The following OLA1 variants were observed in gnomAD, a reference collection of about 807,000 sequenced individuals.
OLA1 encodes obg-like ATPase 1.
In OLA1, 14 loss-of-function variants were observed where a neutral mutation model predicts 48.4. The observed-to-expected ratio is 0.29, with a 90% CI of 0.19 to 0.45. The LOEUF is 0.45. OLA1 is among the 20% of genes least tolerant of loss of function. OLA1 has a pLI of 1.00. For synonymous variants in OLA1, 127 were observed against 150.4 expected, an observed-to-expected ratio of 0.84 and a Z score of 1.14; for missense variants, 325 against 467.1, an observed-to-expected ratio of 0.70 and a Z score of 2.80.
rs1338891448 is a variant in OLA1, at chr2:174,163,697, A to AAAATAAATAAAT, written c.374-21709_374-21698dup. ...AAGAACGAGACCTTGTCTCAAAAAT[A>AAAATAAATAAAT]AAATAAATAAATAAATATATATATA... On this transcript the variant is annotated intron_variant, in intron 4 of 10. Coordinates refer to ENST00000284719, the MANE Select transcript of OLA1 (RefSeq NM_013341.5). Among the ~76,000 whole-genome samples the AAAATAAATAAAT allele has an allele frequency of 4.4e-4, 28 of 64,088 alleles. 1 individual carries two copies. In the East Asian group the frequency reaches 9.0e-3, roughly 21 times the overall value. 42.0% of individuals were successfully genotyped at this position (64,088 alleles called of 152,430 possible).
At chr2:174,157,980 C>A (rs1358043103) in intron 4 of OLA1, among the ~76,000 whole-genome samples, 2 of 152,168 alleles carry the variant, frequency 1.3e-5, no homozygotes, top group East Asian at 1.9e-4. Flanking sequence ...GAAGGACAAG[C>A]AAGCAACCAC....
intron 4 of OLA1, among the ~76,000 whole-genome samples, chr2:174,184,706 G>C (rs1427583778): frequency 6.6e-6 from 1 of 152,188 alleles, no homozygotes; most frequent in African/African-American, 2.4e-5. Flanking sequence ...TTGAAACTGA[G>C]TGAGGGGTAT....
At chr2:174,221,266 TC>T (rs75822153) in intron 4 of OLA1, among the ~76,000 whole-genome samples, 74,857 of 151,276 alleles carry the variant, frequency 0.49, 19,245 homozygotes, top group East Asian at 0.99. Context: ...CAAATTCATT[TC>T]CCCCCCCACA....
intron 4 of OLA1, among the ~76,000 whole-genome samples, chr2:174,197,321 C>T (rs1431381403): frequency 6.6e-6 from 1 of 150,898 alleles, no homozygotes; most frequent in Non-Finnish European, 1.5e-5. Flanking sequence ...AAAATTGAAA[C>T]AGATGGCAGT....
chr2:174,116,332 G>A (rs574507308), intron 7 of OLA1, among the ~76,000 whole-genome samples: 2 of 152,292 alleles, frequency 1.3e-5, no homozygotes, highest in Admixed American at 1.3e-4. Context: ...ATAGGCTTTT[G>A]AGGGTGAGTC....
chr2:174,144,129 C>A (rs1235888023), intron 4 of OLA1, among the ~76,000 whole-genome samples: 1 of 151,938 alleles, frequency 6.6e-6, no homozygotes, highest in African/African-American at 2.4e-5. Context: ...AAAACAAAAA[C>A]CTACCAAAAA....
At chr2:174,144,951 A>AAAAAAAAAAAAAAAT (rs1181030817) in intron 4 of OLA1, among the ~76,000 whole-genome samples, 1 of 40,278 alleles carries the variant, frequency 2.5e-5, no homozygotes, top group Non-Finnish European at 4.0e-5. Flanking sequence ...AAAAAAAAAA[A>AAAAAAAAAAAAAAAT]ATATATATAT....
chr2:174,109,161 G>A (rs780057209), intron 7 of OLA1, among the ~76,000 whole-genome samples: 32 of 152,296 alleles, frequency 2.1e-4, no homozygotes, highest in Middle Eastern at 3.4e-3. Flanking sequence ...GTGATACATA[G>A]TAAGAAAGTA....
intron 4 of OLA1, among the ~76,000 whole-genome samples, chr2:174,143,960 CG>C (rs996372154): frequency 9.9e-5 from 15 of 151,656 alleles, no homozygotes; most frequent in African/African-American, 3.4e-4. Flanking sequence ...AAAATATAGT[CG>C]GGCATGGTGG....
chr2:174,214,232 C>T (rs1347639655), intron 4 of OLA1, among the ~76,000 whole-genome samples: 1 of 152,040 alleles, frequency 6.6e-6, no homozygotes, highest in African/African-American at 2.4e-5. Context: ...ACTCAGAGGG[C>T]TAAGGCATGA....
chr2:174,170,585 G>T (rs1394454730), intron 4 of OLA1, among the ~76,000 whole-genome samples: 1 of 152,134 alleles, frequency 6.6e-6, no homozygotes, highest in African/African-American at 2.4e-5. Flanking sequence ...CATATGTTCT[G>T]TATAAGAGAT....
At chr2:174,175,013 T>A (rs1048662958) in intron 4 of OLA1, among the ~76,000 whole-genome samples, 14 of 151,846 alleles carry the variant, frequency 9.2e-5, no homozygotes, top group Non-Finnish European at 1.6e-4. Flanking sequence ...GTTAATTCAG[T>A]GAGAGAAAAG....
chr2:174,223,767 A>C (rs921838943), intron 3 of OLA1, among the ~76,000 whole-genome samples: 5 of 46,098 alleles, frequency 1.1e-4, no homozygotes, highest in South Asian at 1.7e-3. Flanking sequence ...TATATAGACA[A>C]AAAAAAAAAA....
intron 7 of OLA1, among the ~76,000 whole-genome samples, chr2:174,108,225 C>T (rs1308068693): frequency 1.3e-5 from 2 of 152,080 alleles, no homozygotes; most frequent in African/African-American, 2.4e-5. Context: ...TGTTTGAAGG[C>T]TTTCCAATGT....
intron 4 of OLA1, among the ~76,000 whole-genome samples, chr2:174,153,319 T>G (rs1386530430): frequency 6.6e-6 from 1 of 152,192 alleles, no homozygotes; most frequent in Non-Finnish European, 1.5e-5. Context: ...TTTCTTCTAA[T>G]TTTAAGAGTT....
At chr2:174,200,004 A>T (rs754565191) in intron 4 of OLA1, among the ~76,000 whole-genome samples, 8 of 150,864 alleles carry the variant, frequency 5.3e-5, no homozygotes, top group Non-Finnish European at 8.9e-5. Flanking sequence ...AATTTATTTA[A>T]AAAAAAAAGC....
intron 7 of OLA1, among the ~76,000 whole-genome samples, chr2:174,116,088 A>T (rs1246604772): frequency 6.6e-6 from 1 of 152,188 alleles, no homozygotes. Context: ...TTGCATTTAT[A>T]ATGACAGTTT....
chr2:174,087,291 G>A (rs1413164614), intron 7 of OLA1, among the ~76,000 whole-genome samples: 2 of 152,058 alleles, frequency 1.3e-5, no homozygotes, highest in Non-Finnish European at 2.9e-5. Flanking sequence ...CTCCCAAAGT[G>A]CTGGGATTGC....
rs1364048834 is a variant in OLA1 at position 174,223,051 on chromosome 2, C to T, written c.355G>A (p.Gly119Ser). 3.7e-6 allele frequency: 6 copies of T among 1,612,490 alleles called. No individual in the cohort carries two copies. The highest frequency in any genetic ancestry group is 3.3e-5 in the Admixed American group (2 of 59,772). Residue 119 changes from glycine to serine, a missense_variant, in exon 4 of 11, where the codon GGC (glycine) becomes AGC (serine). Physicochemically the swap from Gly to Ser is moderately conservative, Grantham distance 56. Transcript: ENST00000284719. ...AFLSHISACD[G>S]IFHLTRAFED... ...TACTTACGTGTTAGATGAAAGATGC[C>T]ATCACAGGCACTAATATGAGATAAA...
Sources: gnomAD v4.1 joint callset for allele counts (sites outside exome capture counted in the v4.1 genomes callset) on GRCh38, gnomAD v4.1.1 for gene constraint, MANE v1.5 for transcripts, NCBI Gene and HGNC (gene_info 2026-07-23, HGNC 2026-07-21) for gene names.